SERPINB8: variants seen among roughly 807,000 people sequenced by gnomAD.
The protein encoded by SERPINB8 is serpin B8.
Under a neutral mutation model 35.3 loss-of-function variants are expected in SERPINB8, and 25 were observed. That is an observed-to-expected ratio of 0.71 (90% CI 0.52 to 0.99). The LOEUF (loss-of-function observed/expected upper bound fraction) is 0.99. Ranked by LOEUF, SERPINB8 falls within the 50% of genes least tolerant of loss-of-function variation. The probability of loss-of-function intolerance (pLI) is 0.00; values close to 1 mark genes in which losing one functional copy is unlikely to be tolerated. For missense variants in SERPINB8, 484 were observed against 446.5 expected (o/e 1.08, Z -0.76); for synonymous variants, 186 against 160.8 (o/e 1.16, Z -1.19).
chr18:64,004,496 C>G (rs2050890799), intron 1 of SERPINB8, among the ~76,000 whole-genome samples: 1 of 152,070 alleles, frequency 6.6e-6, no homozygotes, highest in South Asian at 2.1e-4. Context: ...ACTTACTAAT[C>G]TGTGGTTATT....
intron 1 of SERPINB8, among the ~76,000 whole-genome samples, chr18:63,972,939 C>T (rs1304511581): frequency 8.5e-5 from 13 of 152,104 alleles, no homozygotes; most frequent in African/African-American, 1.2e-4. Context: ...TGAATAGTGC[C>T]GCAATAAACA....
At chr18:64,007,022 A>G (rs1254473878), downstream of SERPINB8, among the ~76,000 whole-genome samples, 1 of 141,884 alleles carries the variant, frequency 7.0e-6, no homozygotes, top group African/African-American at 2.4e-5. Flanking sequence ...TATAATAGAG[A>G]GGATCTAAAA....
chr18:63,994,844 G>T (rs2050841095), intron 1 of SERPINB8, among the ~76,000 whole-genome samples: 1 of 152,112 alleles, frequency 6.6e-6, no homozygotes. Flanking sequence ...ATCAAGCCCA[G>T]GTAAACCTCA....
At chr18:63,981,922 C>T (rs1056175201) in intron 4 of SERPINB8, 84 bp downstream of exon 4, 8 of 898,682 alleles carry the variant, frequency 8.9e-6, no homozygotes, top group Non-Finnish European at 1.4e-5. Flanking sequence ...CAGGGTGTTG[C>T]CACTGTGACC....
intron 1 of SERPINB8, among the ~76,000 whole-genome samples, chr18:63,995,752 A>G (rs952507701): frequency 2.0e-4 from 31 of 152,248 alleles, no homozygotes; most frequent in African/African-American, 7.2e-4. Context: ...CAGGAATTCC[A>G]TCTAGGTCCT....
chr18:64,008,184 G>A (rs983946177), downstream of SERPINB8, among the ~76,000 whole-genome samples: 21 of 152,126 alleles, frequency 1.4e-4, no homozygotes, highest in Non-Finnish European at 1.3e-4. Flanking sequence ...CATTCATTAA[G>A]CTTTAACACG....
intron 4 of SERPINB8, 150 bp downstream of exon 4, chr18:63,981,988 A>T: frequency 1.6e-6 from 1 of 609,114 alleles, no homozygotes; most frequent in East Asian, 2.7e-5. Flanking sequence ...CAGCAATGCA[A>T]CTCTGTCATT....
chr18:63,973,096 C>T (rs990538491), intron 1 of SERPINB8, among the ~76,000 whole-genome samples: 1 of 152,204 alleles, frequency 6.6e-6, no homozygotes, highest in Non-Finnish European at 1.5e-5. Flanking sequence ...AACTAGTTTA[C>T]AGTCCTACCA....
chr18:63,995,157 C>T (rs2050843159), intron 1 of SERPINB8, among the ~76,000 whole-genome samples: 1 of 152,184 alleles, frequency 6.6e-6, no homozygotes, highest in African/African-American at 2.4e-5. Flanking sequence ...ATGACTGATT[C>T]AAGCATTATG....
chr18:63,990,742 C>T (rs2050821401), downstream of SERPINB8, among the ~76,000 whole-genome samples: 1 of 149,280 alleles, frequency 6.7e-6, no homozygotes. Context: ...GTTCAATTCC[C>T]ACCATTTCTA....
intron 1 of SERPINB8, among the ~76,000 whole-genome samples, chr18:63,977,328 C>CTT (rs995334002): frequency 1.4e-5 from 2 of 145,298 alleles, no homozygotes; most frequent in African/African-American, 5.0e-5. Context: ...GCACCAAGAT[C>CTT]TTTTTTTTTT....
intron 7 of SERPINB8, among the ~76,000 whole-genome samples, chr18:64,012,852 G>C (rs545459013): frequency 1.3e-5 from 2 of 152,248 alleles, no homozygotes; most frequent in South Asian, 4.2e-4. Flanking sequence ...GTCTCAGAAA[G>C]TGTGACTAAT....
At chr18:64,006,621 T>C (rs189573302), downstream of SERPINB8, among the ~76,000 whole-genome samples, 4 of 152,306 alleles carry the variant, frequency 2.6e-5, 1 homozygote. Context: ...TGTGGTATTG[T>C]ATTATGGCAG....
At chr18:63,990,694 G>C (rs111399923), downstream of SERPINB8, among the ~76,000 whole-genome samples, 1,669 of 142,872 alleles carry the variant, frequency 0.012, 12 homozygotes, top group Non-Finnish European at 0.018. Flanking sequence ...CAGGCCCCGG[G>C]TGTGATGTTC....
Position 64,016,634 on chromosome 18 carries a change from C to T in SERPINB8, c.*3-2276C>T, listed in dbSNP as rs79120986. 4.9e-4 allele frequency among the ~76,000 whole-genome samples: 75 copies of T among 152,224 alleles called. 2 individuals carry two copies. The highest frequency in any genetic ancestry group is 4.8e-3 in the East Asian group (25 of 5,182). On this transcript the variant is annotated intron_variant, in intron 7 of 7. Transcript: ENST00000636430. ...AAATGCCTCCCTTATTTTATGGAAT[C>T]GAAACTCAGAGAGTTTATATGGCTT... is the stretch of plus-strand genomic sequence containing the variant.
At chr18:64,015,401 C>A (rs1249838615) in intron 7 of SERPINB8, among the ~76,000 whole-genome samples, 1 of 152,182 alleles carries the variant, frequency 6.6e-6, no homozygotes, top group Non-Finnish European at 1.5e-5. Flanking sequence ...GGCTCAAATT[C>A]TCCTTTGAAA....
At chr18:63,994,031 C>T (rs1444085034), downstream of SERPINB8, among the ~76,000 whole-genome samples, 2 of 152,068 alleles carry the variant, frequency 1.3e-5, no homozygotes, top group East Asian at 1.9e-4. Flanking sequence ...AGTACTTTTC[C>T]ACTTCTAGTC....
chr18:64,014,359 C>G (rs983487149), intron 7 of SERPINB8, among the ~76,000 whole-genome samples: 4 of 152,062 alleles, frequency 2.6e-5, no homozygotes, highest in African/African-American at 9.7e-5. Context: ...GAGATGGGGA[C>G]CAAGGGTTCC....
intron 7 of SERPINB8, among the ~76,000 whole-genome samples, chr18:64,012,593 G>GCGCA (rs60524924): frequency 6.6e-6 from 1 of 151,356 alleles, no homozygotes; most frequent in Non-Finnish European, 1.5e-5. Flanking sequence ...GTGTGTGTGC[G>GCGCA]TGTGTGTGTA....
Sources: allele counts gnomAD v4.1 joint callset (sites outside exome capture counted in the v4.1 genomes callset), GRCh38; gene constraint gnomAD v4.1.1; transcripts MANE v1.5; gene names NCBI Gene and HGNC (gene_info 2026-07-23, HGNC 2026-07-21).